The following HDGFL3 variants were observed in gnomAD, a reference collection of about 807,000 sequenced individuals.
The protein encoded by HDGFL3 is HDGF like 3.
In HDGFL3, 6 loss-of-function variants were observed where a neutral mutation model predicts 27.6. The observed-to-expected ratio is 0.22, with a 90% confidence interval of 0.12 to 0.43. HDGFL3 has a LOEUF of 0.43. Ranked by LOEUF, HDGFL3 falls within the 20% of genes least tolerant of loss-of-function variation. The pLI is 1.00. For synonymous variants in HDGFL3, 88 were observed against 88.9 expected (o/e 0.99, Z 0.05); for missense variants, 207 against 250.1 (o/e 0.83, Z 1.16).
At position 83,139,254 on chromosome 15, in the gene HDGFL3, G is replaced by A; in HGVS notation, c.*16C>T. On this transcript the variant is annotated 3_prime_UTR_variant, in exon 6 of 6. Transcript: ENST00000299633. ...TTCTTGTGGTTTCTCTTAATATGCA[G>A]CATTCATTATGGTAGTTAGGTCTGT... 1.4e-6 allele frequency: 2 copies of A among 1,431,544 alleles called. No homozygotes were observed. The highest frequency in any genetic ancestry group is 1.5e-5 in the African/African-American group (1 of 67,526). The allele number at this position is 1,431,544 out of a possible 1,614,324, so 88.7% of individuals were successfully genotyped here.
chr15:83,199,547 G>C (rs911231703), intron 1 of HDGFL3, among the ~76,000 whole-genome samples: 1 of 152,074 alleles, frequency 6.6e-6, no homozygotes, highest in African/African-American at 2.4e-5. Flanking sequence ...CAACCTGGCA[G>C]CTACCACTGA....
chr15:83,169,254 T>A (rs1324763182), intron 1 of HDGFL3: 2 of 442,106 alleles, frequency 4.5e-6, no homozygotes, highest in South Asian at 1.6e-5. Flanking sequence ...AGTACTGGAA[T>A]GCCAGTCAGA....
intron 1 of HDGFL3, among the ~76,000 whole-genome samples, chr15:83,200,044 CAAAAA>C (rs796608256): frequency 1.2e-5 from 1 of 83,758 alleles, no homozygotes; most frequent in Non-Finnish European, 2.3e-5. Flanking sequence ...AACTCCATCT[CAAAAA>C]AAAAAAAAAA....
chr15:83,122,104 C>A, intron 3 of HDGFL3: 1 of 952,150 alleles, frequency 1.1e-6, no homozygotes, highest in Non-Finnish European at 1.6e-6. Flanking sequence ...CAAGTGATTC[C>A]AAGCTTACTA....
At chr15:83,160,289 C>T (rs920856701) in intron 2 of HDGFL3, among the ~76,000 whole-genome samples, 4 of 151,882 alleles carry the variant, frequency 2.6e-5, no homozygotes, top group East Asian at 1.9e-4. Flanking sequence ...CTGGTTCAAG[C>T]GATTCTTCTG....
At chr15:83,124,764 G>T, downstream of HDGFL3, 2 of 1,613,752 alleles carry the variant, frequency 1.2e-6, no homozygotes, top group Non-Finnish European at 1.7e-6. Context: ...GATTTTGCCT[G>T]TTCAGAGGTT....
chr15:83,151,074 G>T, intron 5 of HDGFL3, 141 bp downstream of exon 5: 1 of 687,080 alleles, frequency 1.5e-6, no homozygotes, highest in Non-Finnish European at 2.4e-6. Context: ...TATATTAAAG[G>T]GCTGAGTGGA....
rs1039247267 is a variant in HDGFL3 at position 83,136,269 on chromosome 15, A to C, written c.*3001T>G. The C allele has an allele frequency of 2.4e-6, 1 of 417,662 alleles. No individual in the cohort carries two copies. Among genetic ancestry groups the C allele is most frequent in the African/African-American group, 2.0e-5 (1 of 49,270 alleles). 25.9% of individuals were successfully genotyped at this position (417,662 alleles called of 1,614,324 possible). A position where few individuals can be genotyped will look rare whatever the true frequency, so the allele number is the denominator to read the frequency against. ...TAATATCTACTTTATTTGAACAGTC[A>C]TATCAAGAATGGCCCTAAATTTAAT... is the stretch of plus-strand genomic sequence containing the variant. On this transcript the variant is annotated 3_prime_UTR_variant, in exon 6 of 6. Coordinates refer to ENST00000299633, the MANE Select transcript of HDGFL3 (RefSeq NM_016073.4).
intron 3 of HDGFL3, among the ~76,000 whole-genome samples, chr15:83,120,587 CTT>C (rs993490763): frequency 3.4e-4 from 43 of 125,900 alleles, no homozygotes; most frequent in South Asian, 8.5e-4. Flanking sequence ...CCAGCTAATT[CTT>C]TTTTTTTTTT....
chr15:83,206,707 G>A (rs1019230745), intron 1 of HDGFL3, among the ~76,000 whole-genome samples: 1 of 152,200 alleles, frequency 6.6e-6, no homozygotes, highest in Non-Finnish European at 1.5e-5. Context: ...GGCTATCAGA[G>A]GTCGGTTTAA....
chr15:83,137,996 A>C lies in HDGFL3; in HGVS notation c.*1274T>G, dbSNP rs2036686273. On this transcript the variant is annotated 3_prime_UTR_variant, in exon 6 of 6. Transcript: ENST00000299633. ...TTTTCAAATAATCTAAAACCCAGAG[A>C]GTGTTTAAAAAAAAAAAAAGAAAGA... The C allele has an allele frequency of 6.6e-6, 1 of 151,740 alleles. No individual in the cohort carries two copies. The highest frequency in any genetic ancestry group is 2.4e-5 in the African/African-American group (1 of 41,272). 9.4% of individuals were successfully genotyped at this position (151,740 alleles called of 1,614,324 possible). A position where few individuals can be genotyped will look rare whatever the true frequency, so the allele number is the denominator to read the frequency against.
chr15:83,174,149 T>C (rs72758310), intron 1 of HDGFL3, among the ~76,000 whole-genome samples: 6,897 of 152,278 alleles, frequency 0.045, 220 homozygotes, highest in Non-Finnish European at 0.069. Flanking sequence ...TTAGGTAACC[T>C]CTAGATTTCC....
chr15:83,207,062 A>G lies in HDGFL3; in HGVS notation c.84+269T>C, dbSNP rs973781862. 3.6e-4 allele frequency among the ~76,000 whole-genome samples: 55 copies of G among 152,250 alleles called. No homozygotes were observed. The highest frequency in any genetic ancestry group is 1.4e-3 in the Admixed American group (21 of 15,302). On this transcript the variant is annotated intron_variant, in intron 1 of 5. Transcript: ENST00000299633. The surrounding 1 kb of genome is among the most constrained non-coding windows in gnomAD (Gnocchi z 4.8). ...GCTTCCCGGTCGGCACCGGCTTTCC[A>G]GGAGGAAGGCAGCGTCGGGCCTGCG...
intron 4 of HDGFL3, among the ~76,000 whole-genome samples, chr15:83,154,194 C>A (rs990097715): frequency 1.3e-5 from 2 of 150,742 alleles, no homozygotes; most frequent in Non-Finnish European, 3.0e-5. Context: ...AAAAAAGCAG[C>A]GTGTGGTGAT....
Position 83,151,216 on chromosome 15 carries a change from C to A in HDGFL3, c.605G>T (p.Gly202Val). Residue 202 changes from glycine (G) to valine (V), a missense_variant and splice_region_variant, in exon 5 of 6, where the codon GGG becomes GTG. By Grantham distance (109) the Gly-to-Val change is moderately radical. Transcript: ENST00000299633. ...GAGAAATTATAAGCACATCCTTACCCCTTCACTGGTTTTCTGCAAGTCTGA... is the reference window on the plus strand; with the variant it reads ...GAGAAATTATAAGCACATCCTTACCACTTCACTGGTTTTCTGCAAGTCTGA... Reference protein sequence around the residue: ...TTSDLQKTSEGT With the variant: ...TTSDLQKTSEVT 7 of 1,611,778 alleles carry A rather than the reference C, an allele frequency of 4.3e-6. No individual in the cohort carries two copies. Among genetic ancestry groups the A allele is most frequent in the South Asian group, 1.1e-5 (1 of 90,780 alleles).
At chr15:83,175,125 C>G (rs940938952) in intron 1 of HDGFL3, among the ~76,000 whole-genome samples, 1 of 152,180 alleles carries the variant, frequency 6.6e-6, no homozygotes, top group Non-Finnish European at 1.5e-5. Flanking sequence ...AAAGAATGTG[C>G]TCTCAAGTTT....
At chr15:83,195,754 C>A (rs2037562163) in intron 1 of HDGFL3, among the ~76,000 whole-genome samples, 1 of 151,514 alleles carries the variant, frequency 6.6e-6, no homozygotes, top group African/African-American at 2.4e-5. Context: ...CAGGTTCTTA[C>A]AAAATTTGGC....
At chr15:83,181,529 G>A (rs946119987) in intron 1 of HDGFL3, among the ~76,000 whole-genome samples, 3 of 152,154 alleles carry the variant, frequency 2.0e-5, no homozygotes, top group South Asian at 2.1e-4. Context: ...AGGCTGAAGT[G>A]CAGAGGTGCG....
intron 3 of HDGFL3, among the ~76,000 whole-genome samples, chr15:83,116,774 C>T (rs745739416): frequency 1.3e-5 from 2 of 152,070 alleles, no homozygotes; most frequent in Admixed American, 1.3e-4. Flanking sequence ...TTTAGAGAAT[C>T]GGAGTGGCTG....
Sources: allele counts gnomAD v4.1 joint callset (sites outside exome capture counted in the v4.1 genomes callset), GRCh38; gene constraint gnomAD v4.1.1; non-coding constraint Gnocchi (gnomAD v3.1); transcripts MANE v1.5; gene names NCBI Gene and HGNC (gene_info 2026-07-23, HGNC 2026-07-21).